The following FBXO10 variants were observed in gnomAD, a reference collection of about 807,000 sequenced individuals.
The protein encoded by FBXO10 is F-box only protein 10.
FBXO10 carries 39 observed loss-of-function variants against 80.7 expected under a neutral mutation model. The ratio of observed to expected loss-of-function variants is 0.48; its 90% CI spans 0.37 to 0.63. The LOEUF (loss-of-function observed/expected upper bound fraction) is 0.63. Among genes scored for constraint, FBXO10 ranks in the 30% least tolerant of loss-of-function variants. FBXO10 has a pLI of 0.00. For synonymous variants in FBXO10, 449 were observed against 489.6 expected, an observed-to-expected ratio of 0.92 and a Z score of 1.09; for missense variants, 1,025 against 1,269.0, an observed-to-expected ratio of 0.81 and a Z score of 2.92.
Position 37,521,633 on chromosome 9 carries a change from GTCC to G in FBXO10, c.2133_2135del (p.Glu711del). ...TGGTGATGGGCCGGCGCAGTGGGTC[GTCC>G]TCCTTCTCCAGCTCTGTCTCCCAGA... On this transcript the variant is annotated inframe_deletion, in exon 8 of 11. Coordinates refer to ENST00000432825, the MANE Select transcript of FBXO10 (RefSeq NM_012166.3). 6.2e-7 allele frequency: 1 copy of G among 1,613,944 alleles called. No individual in the cohort carries two copies. Among genetic ancestry groups the G allele is most frequent in the South Asian group, 1.1e-5 (1 of 91,068 alleles).
chr9:37,561,419 G>A (rs1205086305), intron 1 of FBXO10, among the ~76,000 whole-genome samples: 2 of 152,068 alleles, frequency 1.3e-5, no homozygotes, highest in East Asian at 3.9e-4. Flanking sequence ...CCTCCCACTG[G>A]AGGTATCCAC....
chr9:37,512,223 T>A lies in FBXO10; in HGVS notation c.*324A>T, dbSNP rs1821074402. The A allele has an allele frequency of 4.8e-6, 1 of 208,468 alleles. No individual in the cohort carries two copies. The highest frequency in any genetic ancestry group is 9.5e-6 in the Non-Finnish European group (1 of 105,102). 12.9% of individuals were successfully genotyped at this position (208,468 alleles called of 1,614,324 possible). ...TCCTGAGAAGAGTCTGGGTTTGGTG[T>A]GTGTAAAACACAGTTCCTTAGAACT... is the stretch of plus-strand genomic sequence containing the variant. On this transcript the variant is annotated 3_prime_UTR_variant, in exon 11 of 11. Transcript: ENST00000432825.
intron 1 of FBXO10, among the ~76,000 whole-genome samples, chr9:37,553,331 G>A (rs1588851975): frequency 1.3e-5 from 2 of 152,032 alleles, no homozygotes; most frequent in South Asian, 2.1e-4. Flanking sequence ...GAGCCACCGC[G>A]CCCGGCCACA....
At position 37,537,610 on chromosome 9, in the gene FBXO10, T is replaced by C. The variant is rs567271812; in HGVS notation, c.919A>G (p.Lys307Glu). 3.7e-6 allele frequency: 6 copies of C among 1,613,972 alleles called. No homozygotes were observed. The highest frequency in any genetic ancestry group is 1.1e-5 in the South Asian group (1 of 91,082). The change falls in exon 3 of 11, where the codon AAG becomes GAG. Residue 307 changes from lysine to glutamate, a missense_variant. Coordinates refer to ENST00000432825, the MANE Select transcript of FBXO10 (RefSeq NM_012166.3). ...LESRDQAWSP[K>E]TCDIVIEGSQ... ...CCCTCGATAACAATGTCACAGGTCTTTGGGCTCCAGGCCTGGTCCCGGCTC... is the reference window on the plus strand; with the variant it reads ...CCCTCGATAACAATGTCACAGGTCTCTGGGCTCCAGGCCTGGTCCCGGCTC...
intron 1 of FBXO10, among the ~76,000 whole-genome samples, chr9:37,563,938 T>C (rs10121333): frequency 0.51 from 77,538 of 151,632 alleles, 19,969 homozygotes; most frequent in African/African-American, 0.58. Flanking sequence ...CAAGATAATG[T>C]GGAAAATGTC....
chr9:37,560,436 T>C (rs1336087771), intron 1 of FBXO10, among the ~76,000 whole-genome samples: 1 of 152,090 alleles, frequency 6.6e-6, no homozygotes, highest in Non-Finnish European at 1.5e-5. Context: ...CCCTTCAGCA[T>C]TTGTTTTCCC....
rs1277552543 is a variant in FBXO10, at chr9:37,520,512, CCTT to C, written c.2200+1054_2200+1056del. 2.4e-3 allele frequency among the ~76,000 whole-genome samples: 340 copies of C among 139,686 alleles called. 1 individual carries two copies. The highest frequency in any genetic ancestry group is 8.2e-3 in the African/African-American group (314 of 38,072). The allele number at this position is 139,686 out of a possible 152,430, so 91.6% of individuals were successfully genotyped here. A position where few individuals can be genotyped will look rare whatever the true frequency, so the allele number is the denominator to read the frequency against. ...TCCAACTAATTTTTCTTTCTCTACT[CCTT>C]CTTCTTCTTTTTTTTTTTTTTTTTT... On this transcript the variant is annotated intron_variant, in intron 8 of 10. Transcript: ENST00000432825.
chr9:37,534,216 A>C (rs1172821077), intron 3 of FBXO10, among the ~76,000 whole-genome samples: 3 of 152,170 alleles, frequency 2.0e-5, no homozygotes, highest in Non-Finnish European at 4.4e-5. Flanking sequence ...CATTAGGACA[A>C]AATTCTGTGA....
intron 1 of FBXO10, among the ~76,000 whole-genome samples, chr9:37,549,406 G>A (rs1822134926): frequency 6.6e-6 from 1 of 152,230 alleles, no homozygotes. Context: ...ACCACCACCT[G>A]GATCAAACAC....
intron 7 of FBXO10, among the ~76,000 whole-genome samples, 170 bp downstream of exon 7, chr9:37,522,655 G>A (rs966919358): frequency 6.6e-6 from 1 of 152,172 alleles, no homozygotes; most frequent in African/African-American, 2.4e-5. Flanking sequence ...AATGTGATTT[G>A]TAAGAGGCTC....
chr9:37,541,443 G>A lies in FBXO10; in HGVS notation c.326C>T (p.Thr109Ile). Residue 109 changes from threonine (T) to isoleucine (I), a missense_variant, in exon 2 of 11, where the codon ACC becomes ATC. Physicochemically the swap from Thr to Ile is moderately conservative, Grantham distance 89 (BLOSUM62 -1). Around this residue, in one of 3 missense-constraint regions of FBXO10, gnomAD observed 450 missense variants for 499.4 expected, o/e 0.90. Coordinates refer to ENST00000432825, the MANE Select transcript of FBXO10 (RefSeq NM_012166.3). ...CTCACGGCCTGGCCCAACACTCAGG[G>A]TACGTCGTTCCCTCCTCCGGCGGAA... is the stretch of plus-strand genomic sequence containing the variant. ...SLFRRRRERR[T>I]LSVGPGREFD... 1 of 1,614,048 alleles carries A rather than the reference G, an allele frequency of 6.2e-7. No homozygotes were observed. Among genetic ancestry groups the A allele is most frequent in the Non-Finnish European group, 8.5e-7 (1 of 1,179,898 alleles).
intron 5 of FBXO10, among the ~76,000 whole-genome samples, chr9:37,525,871 G>A (rs1821458974): frequency 6.6e-6 from 1 of 151,970 alleles, no homozygotes; most frequent in African/African-American, 2.4e-5. Flanking sequence ...TCAAATGTTT[G>A]AACCAGAAAA....
At chr9:37,544,028 A>G (rs1821989960) in intron 1 of FBXO10, among the ~76,000 whole-genome samples, 1 of 152,224 alleles carries the variant, frequency 6.6e-6, no homozygotes, top group East Asian at 1.9e-4. Flanking sequence ...GCACTTTGGG[A>G]TGCCGAGGCA....
rs1288926427 is a variant in FBXO10 at position 37,550,177 on chromosome 9, T to G, written c.-6-8403A>C. On this transcript the variant is annotated intron_variant, in intron 1 of 10. Transcript: ENST00000432825. ...TTTTTTTGTCGTCTCAGGTTTTTTT[T>G]TTTTTTTTTTTTTTTTTTTTTTTGA... Among the ~76,000 whole-genome samples, 3 of 68,820 alleles carry G rather than the reference T, an allele frequency of 4.4e-5. No individual in the cohort carries two copies. In the South Asian group the frequency reaches 1.3e-3, roughly 30 times the overall value. 45.1% of individuals were successfully genotyped at this position (68,820 alleles called of 152,430 possible).
intron 3 of FBXO10, among the ~76,000 whole-genome samples, chr9:37,536,751 G>A (rs1821775647): frequency 6.6e-6 from 1 of 152,152 alleles, no homozygotes; most frequent in South Asian, 2.1e-4. Context: ...AGTGAAGGTA[G>A]TAATCATATC....
chr9:37,521,201 C>T (rs904151591), intron 8 of FBXO10, among the ~76,000 whole-genome samples: 1 of 152,102 alleles, frequency 6.6e-6, no homozygotes, highest in Admixed American at 6.5e-5. Flanking sequence ...GATCAGTCTG[C>T]AGAAGGCCCT....
intron 4 of FBXO10, 25 bp downstream of exon 4, chr9:37,531,884 T>G (rs1244543747): frequency 2.5e-6 from 4 of 1,610,230 alleles, no homozygotes; most frequent in South Asian, 1.1e-5. Context: ...AGAGTCACCC[T>G]GAATAGGGAA....
At chr9:37,571,715 AT>A (rs1409210986) in intron 1 of FBXO10, among the ~76,000 whole-genome samples, 26 of 7,292 alleles carry the variant, frequency 3.6e-3, no homozygotes, top group Non-Finnish European at 8.1e-3. Flanking sequence ...AAAGAGAGCC[AT>A]ATATATATAT....
intron 1 of FBXO10, among the ~76,000 whole-genome samples, chr9:37,549,951 C>A (rs146088647): frequency 6.6e-6 from 1 of 152,112 alleles, no homozygotes; most frequent in Admixed American, 6.6e-5. Flanking sequence ...AATGTTAATA[C>A]TCTTAATTCA....
Sources: gnomAD v4.1 joint callset for allele counts (sites outside exome capture counted in the v4.1 genomes callset) on GRCh38, gnomAD v4.1.1 for gene constraint, gnomAD v4.1.1 regional missense constraint, MANE v1.5 for transcripts, NCBI Gene and HGNC (gene_info 2026-07-23, HGNC 2026-07-21) for gene names.